The following GLRA1 variants were observed in gnomAD, a reference collection of about 807,000 sequenced individuals.
GLRA1 encodes the protein glycine receptor subunit alpha-1.
A neutral mutation model predicts 48.3 loss-of-function variants in GLRA1; 37 were observed. That is an observed-to-expected ratio of 0.77 (90% CI 0.59 to 1.01). The LOEUF (loss-of-function observed/expected upper bound fraction) is 1.01. Ranked by LOEUF, GLRA1 falls within the 50% of genes least tolerant of loss-of-function variation. GLRA1 has a pLI of 0.00. For missense variants in GLRA1, 427 were observed against 571.0 expected (o/e 0.75, Z 2.57); for synonymous variants, 196 against 210.7 (o/e 0.93, Z 0.60).
chr5:151,910,202 CT>C (rs1193566485), intron 1 of GLRA1, among the ~76,000 whole-genome samples: 1 of 152,228 alleles, frequency 6.6e-6, no homozygotes, highest in Non-Finnish European at 1.5e-5. Flanking sequence ...CTCCAAATGT[CT>C]TTCTTTCCTA....
rs561846857 is a variant in GLRA1 at position 151,888,637 on chromosome 5, C to A, written c.185-1849G>T. On this transcript the variant is annotated intron_variant, in intron 2 of 8. Transcript: ENST00000274576. The stretch of plus-strand genomic sequence containing the variant: ...AATCATCTGGGAACCTGTTAAACTA[C>A]AGATTCTTTGGCCCAACCCCACACT... Among the ~76,000 whole-genome samples the A allele has an allele frequency of 3.3e-5, 5 of 152,324 alleles. No homozygotes were observed. In the South Asian group the frequency reaches 1.0e-3, roughly 32 times the overall value.
chr5:151,897,411 G>A (rs1754250759), intron 1 of GLRA1, among the ~76,000 whole-genome samples: 1 of 151,874 alleles, frequency 6.6e-6, no homozygotes, highest in Non-Finnish European at 1.5e-5. Context: ...ACACTCAATT[G>A]TTAAAATTTT....
intron 7 of GLRA1, among the ~76,000 whole-genome samples, chr5:151,841,307 AAACAC>A (rs1294130154): frequency 6.6e-6 from 1 of 152,142 alleles, no homozygotes; most frequent in East Asian, 1.9e-4. Context: ...GGAGAATTGA[AAACAC>A]AACATACTAC....
rs558467180 is a variant in GLRA1, at chr5:151,849,827, T to G, written c.912+1563A>C. The G allele has an allele frequency of 7.9e-6, 10 of 1,260,688 alleles. No homozygotes were observed. The East Asian group carries it at 1.3e-4, about 17-fold the overall frequency. 78.1% of individuals were successfully genotyped at this position (1,260,688 alleles called of 1,614,324 possible). ...CCTTGGCCTCCCAGAGTCCTGGGATTACAGGCATGAGCCACCATGCCTAGC... is the reference window on the plus strand; with the variant it reads ...CCTTGGCCTCCCAGAGTCCTGGGATGACAGGCATGAGCCACCATGCCTAGC... On this transcript the variant is annotated intron_variant, in intron 7 of 8. Transcript: ENST00000274576.
intron 7 of GLRA1, chr5:151,850,628 C>G (rs145868530): frequency 4.8e-6 from 7 of 1,469,344 alleles, no homozygotes; most frequent in African/African-American, 1.4e-5. Flanking sequence ...TGTAGCCAAT[C>G]GTAGTGCCAA....
At chr5:151,919,189 G>A (rs961768628) in intron 1 of GLRA1, among the ~76,000 whole-genome samples, 9 of 152,080 alleles carry the variant, frequency 5.9e-5, no homozygotes, top group African/African-American at 1.7e-4. Context: ...TATTTCTGGC[G>A]GTTACTTGTG....
chr5:151,889,644 G>A (rs977149537), intron 2 of GLRA1, among the ~76,000 whole-genome samples: 8 of 152,184 alleles, frequency 5.3e-5, no homozygotes, highest in Non-Finnish European at 7.3e-5. Context: ...GGATCCCTCC[G>A]TAGAGGTTTT....
intron 1 of GLRA1, among the ~76,000 whole-genome samples, chr5:151,914,479 A>G (rs1041527353): frequency 1.3e-5 from 2 of 152,016 alleles, no homozygotes; most frequent in Non-Finnish European, 2.9e-5. Flanking sequence ...GACTGGGTAT[A>G]CTCCTGTGTG....
chr5:151,855,415 C>G (rs1227133330), intron 5 of GLRA1, among the ~76,000 whole-genome samples: 2 of 152,164 alleles, frequency 1.3e-5, no homozygotes, highest in Admixed American at 6.6e-5. Flanking sequence ...TATTGTTCCC[C>G]CTCTCACTCC....
chr5:151,870,896 C>T (rs1753463645), intron 3 of GLRA1, among the ~76,000 whole-genome samples: 1 of 149,824 alleles, frequency 6.7e-6, no homozygotes, highest in African/African-American at 2.6e-5. Context: ...CTTATTATTA[C>T]AATAGAAAGT....
chr5:151,822,959 T>C lies in GLRA1; in HGVS notation c.1064A>G (p.Asp355Gly), dbSNP rs1763180019. ...FRRKRRHHKE[D>G]EAGEGRFNFS... ...GTTAAAGCGGCCTTCTCCAGCTTCA[T>C]CCTCCTGGAATAGATTCAACATGGG... The change falls in exon 9 of 9, where the codon GAT (aspartate) becomes GGT (glycine). Residue 355 changes from aspartate to glycine, a missense_variant. Physicochemically the swap from Asp to Gly is moderately conservative, Grantham distance 94 (BLOSUM62 -1). Transcript: ENST00000274576. The C allele has an allele frequency of 6.2e-7, 1 of 1,604,686 alleles. No homozygotes were observed. The highest frequency in any genetic ancestry group is 8.5e-7 in the Non-Finnish European group (1 of 1,174,324).
intron 1 of GLRA1, among the ~76,000 whole-genome samples, chr5:151,904,395 G>A (rs1016420439): frequency 2.6e-5 from 4 of 152,192 alleles, no homozygotes; most frequent in Non-Finnish European, 5.9e-5. Flanking sequence ...AGCTGTGGAT[G>A]TGGAGTCAGA....
chr5:151,904,668 G>A (rs1305632935), intron 1 of GLRA1, among the ~76,000 whole-genome samples: 1 of 152,202 alleles, frequency 6.6e-6, no homozygotes, highest in Non-Finnish European at 1.5e-5. Context: ...CCTTGGACAA[G>A]TTACTTATTC....
rs111941112 is a variant in GLRA1 at position 151,908,115 on chromosome 5, G to A, written c.57-15677C>T. On this transcript the variant is annotated intron_variant, in intron 1 of 8. Transcript: ENST00000274576. ...TTCCTTCCTGGGCTTTGAGAACAAG[G>A]CAGCATCCTGTCTCCTCCCAGGTAT... Among the ~76,000 whole-genome samples the A allele has an allele frequency of 9.8e-5, 15 of 152,318 alleles. 2 individuals are homozygous for A. Among genetic ancestry groups the A allele is most frequent in the African/African-American group, 3.6e-4 (15 of 41,566 alleles).
intron 1 of GLRA1, among the ~76,000 whole-genome samples, chr5:151,893,111 C>T (rs1344120037): frequency 6.6e-6 from 1 of 152,060 alleles, no homozygotes; most frequent in Non-Finnish European, 1.5e-5. Context: ...TCAGTAGTGG[C>T]TTATTTCACT....
chr5:151,922,809 AAGAG>A (rs1173843962), intron 1 of GLRA1, among the ~76,000 whole-genome samples: 3 of 152,356 alleles, frequency 2.0e-5, no homozygotes, highest in East Asian at 1.9e-4. Context: ...TCAAGAAAAA[AAGAG>A]AGAGTGTGTG....
At chr5:151,909,573 ACT>A (rs779696307) in intron 1 of GLRA1, among the ~76,000 whole-genome samples, 2 of 152,204 alleles carry the variant, frequency 1.3e-5, no homozygotes, top group African/African-American at 2.4e-5. Flanking sequence ...CAATTTATGT[ACT>A]GTTATTTAAT....
intron 3 of GLRA1, among the ~76,000 whole-genome samples, chr5:151,862,795 A>T (rs1753239076): frequency 6.6e-6 from 1 of 152,144 alleles, no homozygotes; most frequent in East Asian, 1.9e-4. Context: ...TCTTCTATAG[A>T]ATATAGGTTA....
chr5:151,877,463 T>C (rs77414281), intron 3 of GLRA1, among the ~76,000 whole-genome samples: 11,604 of 152,002 alleles, frequency 0.076, 609 homozygotes, highest in Non-Finnish European at 0.12. Flanking sequence ...AACAAATGAA[T>C]GAAGAGATAC....
Sources: allele counts gnomAD v4.1 joint callset (sites outside exome capture counted in the v4.1 genomes callset), GRCh38; gene constraint gnomAD v4.1.1; transcripts MANE v1.5; gene names NCBI Gene and HGNC (gene_info 2026-07-23, HGNC 2026-07-21).